The following BICC1 variants were observed in gnomAD, a reference collection of about 807,000 sequenced individuals.
BICC1 encodes protein bicaudal C homolog 1.
A neutral mutation model predicts 111.0 loss-of-function variants in BICC1; 43 were observed. The ratio of observed to expected loss-of-function variants is 0.39; its 90% CI spans 0.30 to 0.50. The LOEUF is 0.50. BICC1 is among the 20% of genes least tolerant of loss of function. BICC1 has a pLI of 0.88. For synonymous variants in BICC1, 467 were observed against 434.4 expected (o/e 1.07, Z -0.93); for missense variants, 1,091 against 1,203.2 (o/e 0.91, Z 1.38).
chr10:58,804,128 T>C (rs1410560802), intron 15 of BICC1, among the ~76,000 whole-genome samples: 6 of 152,212 alleles, frequency 3.9e-5, no homozygotes, highest in Admixed American at 3.9e-4. Context: ...TTCTCTATTT[T>C]TTTAATCCTT....
intron 8 of BICC1, among the ~76,000 whole-genome samples, chr10:58,790,850 T>C: frequency 6.6e-6 from 1 of 152,182 alleles, no homozygotes; most frequent in East Asian, 1.9e-4. Flanking sequence ...AGTGTATGGG[T>C]TGATAATGTA....
chr10:58,514,556 A>C (rs1347479839), intron 1 of BICC1, among the ~76,000 whole-genome samples: 2 of 152,208 alleles, frequency 1.3e-5, no homozygotes, highest in African/African-American at 4.8e-5. Flanking sequence ...GGTGGAAACA[A>C]ATAGCAAGAG....
intron 1 of BICC1, among the ~76,000 whole-genome samples, chr10:58,620,096 G>A (rs997286068): frequency 1.1e-4 from 16 of 152,166 alleles, no homozygotes; most frequent in Admixed American, 7.9e-4. Flanking sequence ...TTGCAAGCAA[G>A]ATGCTATTGG....
At chr10:58,779,851 G>A (rs1300582184) in intron 3 of BICC1, among the ~76,000 whole-genome samples, 3 of 152,148 alleles carry the variant, frequency 2.0e-5, no homozygotes, top group East Asian at 1.9e-4. Flanking sequence ...GTGAACTAAC[G>A]CCCTTGAGAA....
At chr10:58,665,260 A>T (rs1838973685) in intron 2 of BICC1, among the ~76,000 whole-genome samples, 1 of 152,146 alleles carries the variant, frequency 6.6e-6, no homozygotes, top group African/African-American at 2.4e-5. Context: ...AATCTGCAAG[A>T]TCAATTTTAA....
intron 17 of BICC1, among the ~76,000 whole-genome samples, chr10:58,808,075 C>CTTT (rs112775737): frequency 0.045 from 6,397 of 142,652 alleles, 386 homozygotes; most frequent in African/African-American, 0.14. Context: ...AAACATGCTG[C>CTTT]TTTTTTTTTT....
intron 20 of BICC1, among the ~76,000 whole-genome samples, chr10:58,827,842 C>T (rs573632878): frequency 6.6e-6 from 1 of 152,316 alleles, no homozygotes; most frequent in East Asian, 1.9e-4. Flanking sequence ...TCCACCACCA[C>T]TACCTATTGA....
chr10:58,794,168 T>C (rs1834329865), intron 9 of BICC1, among the ~76,000 whole-genome samples: 2 of 69,730 alleles, frequency 2.9e-5, no homozygotes, highest in Admixed American at 1.3e-4. Context: ...ACATGTTTTG[T>C]GTGTGTGTGT....
chr10:58,571,166 G>A (rs1843937708), intron 1 of BICC1, among the ~76,000 whole-genome samples: 1 of 152,132 alleles, frequency 6.6e-6, no homozygotes, highest in Non-Finnish European at 1.5e-5. Context: ...ATGCTGACCA[G>A]TTCTGAATGG....
At chr10:58,758,302 A>G (rs1842203903) in intron 3 of BICC1, among the ~76,000 whole-genome samples, 1 of 152,230 alleles carries the variant, frequency 6.6e-6, no homozygotes, top group Non-Finnish European at 1.5e-5. Context: ...GACATTATAT[A>G]GGAGCCCCTC....
At chr10:58,697,729 A>G (rs1174281465) in intron 2 of BICC1, among the ~76,000 whole-genome samples, 1 of 152,144 alleles carries the variant, frequency 6.6e-6, no homozygotes, top group Non-Finnish European at 1.5e-5. Flanking sequence ...TGCCACTTGC[A>G]GGAGATGTGC....
chr10:58,765,981 A>G (rs1333248073), intron 3 of BICC1, among the ~76,000 whole-genome samples: 1 of 152,240 alleles, frequency 6.6e-6, no homozygotes, highest in East Asian at 1.9e-4. Flanking sequence ...CCACAAGGGC[A>G]CATGAAATCT....
At chr10:58,697,961 C>G (rs1840114514) in intron 2 of BICC1, among the ~76,000 whole-genome samples, 1 of 152,002 alleles carries the variant, frequency 6.6e-6, no homozygotes, top group South Asian at 2.1e-4. Flanking sequence ...CACTCCACTA[C>G]TCCCATCACT....
chr10:58,742,637 C>A (rs1277351740), intron 3 of BICC1, among the ~76,000 whole-genome samples: 1 of 151,702 alleles, frequency 6.6e-6, no homozygotes, highest in Non-Finnish European at 1.5e-5. Flanking sequence ...GGCGTTTCAC[C>A]ATATTGGCCA....
chr10:58,639,823 C>G (rs1838070330), intron 2 of BICC1, among the ~76,000 whole-genome samples: 1 of 150,270 alleles, frequency 6.7e-6, no homozygotes, highest in African/African-American at 2.4e-5. Flanking sequence ...AGTGATCCTC[C>G]TACCTCAGCC....
chr10:58,573,178 G>C (rs982038312), intron 1 of BICC1, among the ~76,000 whole-genome samples: 2 of 152,044 alleles, frequency 1.3e-5, no homozygotes, highest in Non-Finnish European at 2.9e-5. Flanking sequence ...TTGTAAATAG[G>C]ACTATCTTAG....
chr10:58,579,323 C>T (rs1046573479), intron 1 of BICC1, among the ~76,000 whole-genome samples: 4 of 152,208 alleles, frequency 2.6e-5, no homozygotes. Context: ...TTGGGTTATG[C>T]TGCTTACGTA....
At chr10:58,806,308 T>G (rs1843706383) in intron 15 of BICC1, among the ~76,000 whole-genome samples, 1 of 152,198 alleles carries the variant, frequency 6.6e-6, no homozygotes, top group African/African-American at 2.4e-5. Flanking sequence ...TTATGGTAAA[T>G]AAGATTTTTT....
chr10:58,522,018 C>T (rs2132519020), intron 1 of BICC1, among the ~76,000 whole-genome samples: 1 of 151,688 alleles, frequency 6.6e-6, no homozygotes, highest in South Asian at 2.1e-4. Flanking sequence ...TTTCCTTTAC[C>T]CTTGAAGCTA....
Sources: allele counts gnomAD v4.1 joint callset (sites outside exome capture counted in the v4.1 genomes callset), GRCh38; gene constraint gnomAD v4.1.1; transcripts MANE v1.5; gene names NCBI Gene and HGNC (gene_info 2026-07-23, HGNC 2026-07-21).